Variants in RGS7 observed in about 807,000 individuals in gnomAD.
RGS7 encodes the protein regulator of G protein signaling 7, also known as regulator of G-protein signaling 7.
In RGS7, 27 loss-of-function variants were observed where a neutral mutation model predicts 81.1. The observed-to-expected ratio is 0.33, with a 90% CI of 0.25 to 0.46. RGS7 has a LOEUF of 0.46. RGS7 is among the 20% of genes least tolerant of loss of function. RGS7 has a pLI of 1.00. For synonymous variants in RGS7, 208 were observed against 207.7 expected (o/e 1.00, Z -0.01); for missense variants, 396 against 607.4 (o/e 0.65, Z 3.66).
chr1:241,033,083 C>T (rs186326733), intron 3 of RGS7, among the ~76,000 whole-genome samples: 168 of 152,274 alleles, frequency 1.1e-3, no homozygotes, highest in Middle Eastern at 3.4e-3. Context: ...GGGCTGGGTG[C>T]GGTAGCTCAC....
chr1:241,011,966 T>C (rs2058979316), intron 3 of RGS7, among the ~76,000 whole-genome samples: 1 of 152,158 alleles, frequency 6.6e-6, no homozygotes, highest in Admixed American at 6.5e-5. Context: ...TTAATAAAGC[T>C]GTTCTTTCTT....
At chr1:240,931,221 T>C (rs1675386651) in intron 5 of RGS7, among the ~76,000 whole-genome samples, 1 of 152,202 alleles carries the variant, frequency 6.6e-6, no homozygotes, top group Admixed American at 6.5e-5. Flanking sequence ...ATAGACTCTT[T>C]CTCTGAGATC....
At chr1:241,162,437 G>A (rs1322619614) in intron 2 of RGS7, among the ~76,000 whole-genome samples, 1 of 152,158 alleles carries the variant, frequency 6.6e-6, no homozygotes, top group African/African-American at 2.4e-5. Context: ...CGGACAGCCC[G>A]CTCCGAAGGA....
At chr1:241,073,755 C>A (rs765014187) in intron 3 of RGS7, among the ~76,000 whole-genome samples, 6 of 152,152 alleles carry the variant, frequency 3.9e-5, no homozygotes, top group African/African-American at 9.7e-5. Context: ...ACAGACAACA[C>A]CCTGTGGAAT....
intron 2 of RGS7, among the ~76,000 whole-genome samples, chr1:241,327,968 T>C (rs1199850808): frequency 6.6e-6 from 1 of 152,198 alleles, no homozygotes; most frequent in African/African-American, 2.4e-5. Flanking sequence ...AAATAACATA[T>C]GGCTTGAAAA....
chr1:241,086,220 G>T (rs1420348945), intron 3 of RGS7, among the ~76,000 whole-genome samples: 1 of 152,174 alleles, frequency 6.6e-6, no homozygotes, highest in East Asian at 1.9e-4. Flanking sequence ...TACATACGTT[G>T]CCTGAAAGTG....
intron 3 of RGS7, among the ~76,000 whole-genome samples, chr1:241,074,135 T>C (rs906617926): frequency 9.7e-4 from 148 of 152,282 alleles, no homozygotes; most frequent in African/African-American, 3.5e-3. Flanking sequence ...TGACCTGAAG[T>C]GACCCACCCA....
chr1:240,884,682 G>T (rs1667039830), intron 6 of RGS7, among the ~76,000 whole-genome samples: 1 of 152,160 alleles, frequency 6.6e-6, no homozygotes, highest in South Asian at 2.1e-4. Flanking sequence ...AATAAATGGT[G>T]CGGGATAACT....
At chr1:240,924,914 AAATT>A (rs1674167875) in intron 6 of RGS7, among the ~76,000 whole-genome samples, 2 of 152,216 alleles carry the variant, frequency 1.3e-5, no homozygotes, top group African/African-American at 2.4e-5. Flanking sequence ...AAAAAAATAA[AAATT>A]AATGCAAAAA....
At chr1:240,970,995 A>C (rs1683121504) in intron 4 of RGS7, among the ~76,000 whole-genome samples, 1 of 144,480 alleles carries the variant, frequency 6.9e-6, no homozygotes, top group African/African-American at 2.9e-5. Context: ...AAATAAAATA[A>C]ATAAATAAAA....
At chr1:240,921,948 C>T (rs1185010363) in intron 6 of RGS7, among the ~76,000 whole-genome samples, 19 of 151,904 alleles carry the variant, frequency 1.3e-4, no homozygotes, top group Admixed American at 1.2e-3. Flanking sequence ...CAACACAATA[C>T]TGAAGGAATG....
chr1:240,860,382 C>T (rs1661983821), intron 9 of RGS7, among the ~76,000 whole-genome samples: 1 of 152,088 alleles, frequency 6.6e-6, no homozygotes, highest in Non-Finnish European at 1.5e-5. Flanking sequence ...CTTTGATGTT[C>T]TGTTGTTAAA....
At chr1:241,018,651 G>A (rs755537542) in intron 3 of RGS7, among the ~76,000 whole-genome samples, 6 of 151,952 alleles carry the variant, frequency 3.9e-5, no homozygotes, top group Non-Finnish European at 4.4e-5. Context: ...AAGGTGGAGC[G>A]GAGGTGGGGG....
intron 6 of RGS7, chr1:240,919,781 G>GAGCATTT (rs1673200892): frequency 8.5e-6 from 6 of 708,592 alleles, no homozygotes; most frequent in Non-Finnish European, 1.3e-5. Flanking sequence ...TGGACTGTGT[G>GAGCATTT]GTAATGAGAG....
intron 3 of RGS7, among the ~76,000 whole-genome samples, chr1:240,987,049 C>T (rs1319896689): frequency 1.3e-5 from 2 of 152,122 alleles, no homozygotes; most frequent in South Asian, 2.1e-4. Flanking sequence ...ACTTCCATTA[C>T]GGTCCACGTC....
At chr1:240,789,211 T>C (rs557679348) in intron 18 of RGS7, among the ~76,000 whole-genome samples, 3 of 152,360 alleles carry the variant, frequency 2.0e-5, no homozygotes, top group East Asian at 1.9e-4. Context: ...ATCAATACCC[T>C]TGTGATTTCC....
chr1:241,040,192 GTAAA>G (rs1363931519), intron 3 of RGS7, among the ~76,000 whole-genome samples: 2 of 152,172 alleles, frequency 1.3e-5, no homozygotes, highest in Non-Finnish European at 2.9e-5. Context: ...AGCGTTTTCT[GTAAA>G]TAAAGTCCAT....
At chr1:241,245,658 T>C (rs546641955) in intron 2 of RGS7, among the ~76,000 whole-genome samples, 14 of 145,722 alleles carry the variant, frequency 9.6e-5, no homozygotes, top group Middle Eastern at 4.1e-3. Flanking sequence ...AATACAAAAA[T>C]TAGCCAGGCG....
chr1:241,016,440 C>T (rs1468441350), intron 3 of RGS7, among the ~76,000 whole-genome samples: 1 of 152,044 alleles, frequency 6.6e-6, no homozygotes, highest in Non-Finnish European at 1.5e-5. Flanking sequence ...ATCACTTGAA[C>T]CCAGGAGGCG....
Sources: allele counts gnomAD v4.1 joint callset (sites outside exome capture counted in the v4.1 genomes callset), GRCh38; gene constraint gnomAD v4.1.1; transcripts MANE v1.5; gene names NCBI Gene and HGNC (gene_info 2026-07-23, HGNC 2026-07-21).